The following LINGO2 variants were observed in gnomAD, a reference collection of about 807,000 sequenced individuals.
LINGO2 encodes leucine rich repeat and Ig domain containing 2.
A neutral mutation model predicts 30.6 loss-of-function variants in LINGO2; 14 were observed. That is an observed-to-expected ratio of 0.46 (90% CI 0.30 to 0.72). LINGO2 has a LOEUF of 0.72. LINGO2 is among the 30% of genes least tolerant of loss of function. LINGO2 has a pLI of 0.07. For synonymous variants in LINGO2, 317 were observed against 288.5 expected, an observed-to-expected ratio of 1.10 and a Z score of -1.00; for missense variants, 729 against 751.7, an observed-to-expected ratio of 0.97 and a Z score of 0.35.
the LINGO2 span, among the ~76,000 whole-genome samples, chr9:28,784,926 G>A: frequency 1.3e-5 from 2 of 148,294 alleles, no homozygotes; most frequent in Admixed American, 1.3e-4. Context: ...CCAGCCTGGC[G>A]ACAGAGCGAG....
chr9:28,168,990 T>C (rs750585019), intron 4 of LINGO2, among the ~76,000 whole-genome samples: 1 of 152,220 alleles, frequency 6.6e-6, no homozygotes, highest in African/African-American at 2.4e-5. Context: ...TGTTAACTGC[T>C]TGATATATCT....
At chr9:28,578,758 C>A (rs553808188) in intron 1 of LINGO2, among the ~76,000 whole-genome samples, 1 of 152,128 alleles carries the variant, frequency 6.6e-6, no homozygotes, top group South Asian at 2.1e-4. Flanking sequence ...AATTAACATT[C>A]CTCAGTATAA....
At chr9:29,082,983 T>C in the LINGO2 span, among the ~76,000 whole-genome samples, 1 of 152,174 alleles carries the variant, frequency 6.6e-6, no homozygotes, top group East Asian at 1.9e-4. Context: ...ACACTGTTGG[T>C]GGGACTGTAA....
intron 2 of LINGO2, among the ~76,000 whole-genome samples, chr9:28,395,775 G>T (rs10968556): frequency 0.2 from 30,958 of 152,136 alleles, 3,429 homozygotes; most frequent in Middle Eastern, 0.33. Flanking sequence ...AATTACAGTT[G>T]GTTCTTTCTA....
intron 2 of LINGO2, among the ~76,000 whole-genome samples, chr9:28,379,585 G>C (rs543086526): frequency 2.6e-5 from 4 of 152,144 alleles, no homozygotes; most frequent in Admixed American, 2.0e-4. Context: ...TTAGGCAAGA[G>C]TGCAGAGCAG....
the LINGO2 span, among the ~76,000 whole-genome samples, chr9:29,081,008 C>T: frequency 4.6e-5 from 7 of 152,138 alleles, no homozygotes; most frequent in South Asian, 2.1e-4. Context: ...AAAGGAGGAG[C>T]TGGTACCATT....
chr9:28,301,203 A>G (rs1824128100), intron 3 of LINGO2, among the ~76,000 whole-genome samples: 1 of 152,142 alleles, frequency 6.6e-6, no homozygotes, highest in Non-Finnish European at 1.5e-5. Flanking sequence ...CAACATTTGA[A>G]ACACCATTTT....
rs139195454 is a variant in LINGO2 at position 28,136,889 on chromosome 9, C to G, written c.-86-124484G>C. 3.8e-3 allele frequency among the ~76,000 whole-genome samples: 579 copies of G among 152,256 alleles called. 3 individuals are homozygous for G. The highest frequency in any genetic ancestry group is 0.024 in the Middle Eastern group (7 of 294). Reference sequence around the variant, plus strand: ...CTCCCCAGTGTGGGTGGCCCTCATTCCATCTGCTGAAGTCCTGAATGAACA... The same window carrying G: ...CTCCCCAGTGTGGGTGGCCCTCATTGCATCTGCTGAAGTCCTGAATGAACA... On this transcript the variant is annotated intron_variant, in intron 4 of 5. Transcript: ENST00000379992.
the LINGO2 span, among the ~76,000 whole-genome samples, chr9:29,175,079 T>C: frequency 6.6e-6 from 1 of 152,094 alleles, no homozygotes; most frequent in African/African-American, 2.4e-5. Flanking sequence ...ACCAACATGA[T>C]GAAACCCCAT....
chr9:28,851,721 T>C, the LINGO2 span, among the ~76,000 whole-genome samples: 1 of 151,946 alleles, frequency 6.6e-6, no homozygotes, highest in Admixed American at 6.6e-5. Context: ...AAGCATTCCC[T>C]TTGAGATAGG....
intron 4 of LINGO2, among the ~76,000 whole-genome samples, chr9:28,126,959 AT>A (rs1295873078): frequency 6.6e-6 from 1 of 152,212 alleles, no homozygotes; most frequent in Non-Finnish European, 1.5e-5. Context: ...TTTTTTATAA[AT>A]AAAGAATTTT....
chr9:28,957,632 T>A, the LINGO2 span, among the ~76,000 whole-genome samples: 1 of 152,160 alleles, frequency 6.6e-6, no homozygotes, highest in African/African-American at 2.4e-5. Context: ...ATTTTGAATA[T>A]ATACAAGTTG....
chr9:29,053,897 T>C, the LINGO2 span, among the ~76,000 whole-genome samples: 68 of 152,120 alleles, frequency 4.5e-4, no homozygotes, highest in African/African-American at 1.6e-3. Context: ...AACAAAAACA[T>C]TACATTCTAA....
chr9:28,738,502 G>A, the LINGO2 span, among the ~76,000 whole-genome samples: 1 of 151,818 alleles, frequency 6.6e-6, no homozygotes. Flanking sequence ...ATGCTTTCAA[G>A]CATTCAGAAC....
In LINGO2 at chr9:28,411,227, A is replaced by G. The variant is rs16912919; in HGVS notation, c.-278-38359T>C. 6.5e-3 allele frequency among the ~76,000 whole-genome samples: 989 copies of G among 152,204 alleles called. 40 individuals carry two copies. The East Asian group carries it at 0.093, about 14-fold the overall frequency. On this transcript the variant is annotated intron_variant, in intron 2 of 5. Transcript: ENST00000379992. ...TAAAAACCAGGCAACTCCAGAGCAA[A>G]GTGATATTTAATAAACCACATGCTC...
the LINGO2 span, among the ~76,000 whole-genome samples, chr9:28,738,489 A>G: frequency 6.6e-6 from 1 of 152,098 alleles, no homozygotes; most frequent in Non-Finnish European, 1.5e-5. Flanking sequence ...TTGAGGCCCT[A>G]TGATGCTTTC....
At chr9:28,259,936 T>C (rs754606155) in intron 4 of LINGO2, among the ~76,000 whole-genome samples, 4 of 151,920 alleles carry the variant, frequency 2.6e-5, no homozygotes, top group Non-Finnish European at 5.9e-5. Flanking sequence ...TCTCATAGAT[T>C]GACCACCCGG....
the LINGO2 span, among the ~76,000 whole-genome samples, chr9:29,191,610 A>C: frequency 4.6e-5 from 7 of 152,036 alleles, no homozygotes; most frequent in Non-Finnish European, 1.0e-4. Flanking sequence ...TAAACTGCTT[A>C]AGCTTATGAA....
chr9:28,844,187 C>T, the LINGO2 span, among the ~76,000 whole-genome samples: 1 of 151,660 alleles, frequency 6.6e-6, no homozygotes, highest in African/African-American at 2.4e-5. Context: ...CATGGTGAAA[C>T]CCCATCTCTA....
Sources: allele counts gnomAD v4.1 joint callset (sites outside exome capture counted in the v4.1 genomes callset), GRCh38; gene constraint gnomAD v4.1.1; transcripts MANE v1.5; gene names NCBI Gene and HGNC (gene_info 2026-07-23, HGNC 2026-07-21).